Variants in CADM2 observed in about 807,000 individuals in gnomAD.
The protein encoded by CADM2 is cell adhesion molecule 2, also known as immunoglobulin superfamily member 4D.
Under a neutral mutation model 49.8 loss-of-function variants are expected in CADM2, and 12 were observed. The ratio of observed to expected loss-of-function variants is 0.24; its 90% confidence interval spans 0.15 to 0.39. The LOEUF (loss-of-function observed/expected upper bound fraction) is 0.39, where lower values mean the gene tolerates loss of function less well. CADM2 is among the 10% of genes least tolerant of loss of function. The probability of loss-of-function intolerance (pLI) is 1.00; values close to 1 mark genes in which losing one functional copy is unlikely to be tolerated. For missense variants in CADM2, 378 were observed against 492.3 expected, an observed-to-expected ratio of 0.77 and a Z score of 2.20; for synonymous variants, 214 against 175.4, an observed-to-expected ratio of 1.22 and a Z score of -1.74.
In CADM2 at chr3:85,460,733, G is replaced by GGT. The variant is rs57401290; in HGVS notation, c.62-265766_62-265765dup. ...TCGTGTGTGGGTGGGTGGGAGATGT[G>GGT]GTGTGTGTGTGTGTGTGTGTGTGTC... On this transcript the variant is annotated intron_variant, in intron 1 of 9. Coordinates refer to ENST00000383699, the MANE Select transcript of CADM2 (RefSeq NM_001167675.2). Among the ~76,000 whole-genome samples, 1,167 of 149,126 alleles carry GGT rather than the reference G, an allele frequency of 7.8e-3. 5 individuals carry two copies. The highest frequency in any genetic ancestry group is 9.5e-3 in the African/African-American group (388 of 40,742).
intron 7 of CADM2, among the ~76,000 whole-genome samples, chr3:85,946,561 G>T (rs185081384): frequency 5.5e-4 from 83 of 151,982 alleles, no homozygotes; most frequent in African/African-American, 1.9e-3. Context: ...GCATGGTACT[G>T]GTACCAAAAC....
chr3:85,408,589 G>A (rs2035512178), intron 1 of CADM2, among the ~76,000 whole-genome samples: 1 of 152,104 alleles, frequency 6.6e-6, no homozygotes, highest in Non-Finnish European at 1.5e-5. Flanking sequence ...ACAATTCCTA[G>A]TGTCAAAAAT....
intron 1 of CADM2, among the ~76,000 whole-genome samples, chr3:85,716,996 T>A (rs537983586): frequency 6.6e-6 from 1 of 152,310 alleles, no homozygotes; most frequent in South Asian, 2.1e-4. Flanking sequence ...TTTGGTTCCA[T>A]ATCAAATTTA....
intron 8 of CADM2, among the ~76,000 whole-genome samples, chr3:85,962,807 C>T (rs1240003266): frequency 2.6e-5 from 4 of 151,844 alleles, no homozygotes; most frequent in African/African-American, 4.8e-5. Flanking sequence ...TTATATTCAA[C>T]ATAATATTAC....
At chr3:85,869,045 G>A (rs1448982611) in intron 3 of CADM2, among the ~76,000 whole-genome samples, 3 of 151,768 alleles carry the variant, frequency 2.0e-5, no homozygotes, top group African/African-American at 7.3e-5. Context: ...TTTTTTTGTA[G>A]CAAATTCTAT....
intron 3 of CADM2, among the ~76,000 whole-genome samples, chr3:85,814,091 G>C (rs1325868185): frequency 6.6e-6 from 1 of 152,056 alleles, no homozygotes; most frequent in Non-Finnish European, 1.5e-5. Flanking sequence ...GTCAGTGGTA[G>C]GTTGATGGGG....
intron 1 of CADM2, among the ~76,000 whole-genome samples, chr3:85,073,617 G>T (rs1265026931): frequency 6.6e-6 from 1 of 152,084 alleles, no homozygotes; most frequent in Non-Finnish European, 1.5e-5. Flanking sequence ...AGACACCTGT[G>T]GTGGTATATT....
chr3:84,984,885 C>G (rs2032459872), intron 1 of CADM2, among the ~76,000 whole-genome samples: 1 of 152,090 alleles, frequency 6.6e-6, no homozygotes, highest in Non-Finnish European at 1.5e-5. Context: ...CTAATGATTT[C>G]AAGTGTAATT....
intron 1 of CADM2, among the ~76,000 whole-genome samples, chr3:85,205,306 A>G (rs1029044079): frequency 6.6e-6 from 1 of 152,220 alleles, no homozygotes; most frequent in African/African-American, 2.4e-5. Flanking sequence ...TCCAGGTTTG[A>G]GCCAACCTAC....
intron 1 of CADM2, among the ~76,000 whole-genome samples, chr3:85,256,013 G>A: frequency 6.6e-6 from 1 of 151,952 alleles, no homozygotes; most frequent in East Asian, 1.9e-4. Flanking sequence ...ACTGTACTGA[G>A]AATCAATACG....
chr3:85,204,217 T>G (rs999250623), intron 1 of CADM2, among the ~76,000 whole-genome samples: 12 of 152,202 alleles, frequency 7.9e-5, no homozygotes, highest in Non-Finnish European at 1.5e-4. Context: ...GTAAATAGGA[T>G]GCACAGATAT....
intron 5 of CADM2, among the ~76,000 whole-genome samples, chr3:85,896,516 T>A (rs1029191136): frequency 2.6e-5 from 4 of 152,204 alleles, no homozygotes; most frequent in African/African-American, 9.6e-5. Context: ...ATGCGTTCCC[T>A]GCCCTGAGAA....
At chr3:85,326,671 A>C (rs1464936486) in intron 1 of CADM2, among the ~76,000 whole-genome samples, 1 of 152,282 alleles carries the variant, frequency 6.6e-6, no homozygotes, top group African/African-American at 2.4e-5. Flanking sequence ...TTTCAATTGT[A>C]AAAGTCTAAT....
At chr3:85,822,692 T>A (rs543210370) in intron 3 of CADM2, among the ~76,000 whole-genome samples, 1 of 152,300 alleles carries the variant, frequency 6.6e-6, no homozygotes, top group South Asian at 2.1e-4. Flanking sequence ...TGCTCCAGTA[T>A]TTATCCTATA....
chr3:85,554,930 G>C (rs1206121391), intron 1 of CADM2, among the ~76,000 whole-genome samples: 1 of 148,552 alleles, frequency 6.7e-6, no homozygotes, highest in Non-Finnish European at 1.5e-5. Flanking sequence ...TGCCAGGGCT[G>C]GTCATGAACT....
chr3:85,200,428 G>A (rs555365685), intron 1 of CADM2, among the ~76,000 whole-genome samples: 3 of 151,982 alleles, frequency 2.0e-5, no homozygotes, highest in Non-Finnish European at 4.4e-5. Context: ...GTTTGGTGGC[G>A]AGATAAAGTT....
intron 8 of CADM2, among the ~76,000 whole-genome samples, chr3:85,990,095 C>CACTTAACA (rs1728604417): frequency 2.0e-5 from 2 of 99,480 alleles, no homozygotes; most frequent in African/African-American, 7.4e-5. Context: ...TACTTAAAAA[C>CACTTAACA]ACTTAACAAT....
chr3:85,880,213 T>C (rs1712538134), intron 3 of CADM2, among the ~76,000 whole-genome samples: 1 of 152,206 alleles, frequency 6.6e-6, no homozygotes, highest in Non-Finnish European at 1.5e-5. Flanking sequence ...AACATTTTAC[T>C]ATTTCAAGTA....
chr3:85,015,619 C>A (rs903536122), intron 1 of CADM2, among the ~76,000 whole-genome samples: 1 of 151,940 alleles, frequency 6.6e-6, no homozygotes, highest in Non-Finnish European at 1.5e-5. Context: ...TTGATTTTGT[C>A]GGGGAAAAAC....
Sources: allele counts gnomAD v4.1 joint callset (sites outside exome capture counted in the v4.1 genomes callset), GRCh38; gene constraint gnomAD v4.1.1; transcripts MANE v1.5; gene names NCBI Gene and HGNC (gene_info 2026-07-23, HGNC 2026-07-21).